Variants in QRICH2 observed in about 807,000 individuals in gnomAD.
The protein encoded by QRICH2 is glutamine-rich protein 2.
In QRICH2, 119 loss-of-function variants were observed where a neutral mutation model predicts 168.3. That is an observed-to-expected ratio of 0.71 (90% CI 0.61 to 0.82). The LOEUF (loss-of-function observed/expected upper bound fraction) is 0.82. Ranked by LOEUF, QRICH2 falls within the 40% of genes least tolerant of loss-of-function variation. The pLI, the probability that QRICH2 is intolerant of heterozygous loss-of-function variation, is 0.00. For missense variants in QRICH2, 2,241 were observed against 2,491.6 expected (o/e 0.90, Z 2.14); for synonymous variants, 894 against 951.2 (o/e 0.94, Z 1.11).
chr17:76,285,949 G>T (rs1355655915), intron 7 of QRICH2, among the ~76,000 whole-genome samples: 3 of 152,084 alleles, frequency 2.0e-5, no homozygotes, highest in African/African-American at 7.2e-5. Flanking sequence ...AAGGCGGGCA[G>T]ATCACAAGGT....
chr17:76,306,271 A>G (rs1244937611), intron 1 of QRICH2, among the ~76,000 whole-genome samples: 5 of 152,006 alleles, frequency 3.3e-5, no homozygotes, highest in Non-Finnish European at 7.4e-5. Context: ...TTCCCAGAGC[A>G]AAAGTGAGTT....
rs144984799 is a variant in QRICH2, at chr17:76,275,910, C to T, written c.5391G>A (p.Arg1797=). 4 of 1,608,812 alleles carry T rather than the reference C, an allele frequency of 2.5e-6. No individual in the cohort carries two copies. The highest frequency in any genetic ancestry group is 2.5e-6 in the Non-Finnish European group (3 of 1,179,936). ...GTSKRKSQQP[R]PHVHRPPSLS... ...GGGATGGCGGCCTGTGCACGTGGGGCCTGGGCTGCTGGGACTTGCGCTTTG... is the reference window on the plus strand; with the variant it reads ...GGGATGGCGGCCTGTGCACGTGGGGTCTGGGCTGCTGGGACTTGCGCTTTG... The change falls in exon 18 of 19, where the codon AGG becomes AGA. Residue 1797 remains arginine, a synonymous_variant. Transcript: ENST00000680821.
At chr17:76,279,326 C>A in intron 13 of QRICH2, 37 bp downstream of exon 13, 1 of 1,572,326 alleles carries the variant, frequency 6.4e-7, no homozygotes, top group Non-Finnish European at 8.7e-7. Flanking sequence ...CGCAGCCCTG[C>A]CATGCGAGGC....
rs1340222345 is a variant in QRICH2, at chr17:76,292,682, T to A, written c.2045A>T (p.Gln682Leu). ...CAAGCCAGGCTGATATGCACCAGGC[T>A]GCACCAAAGCACGCTGAAATCTGCC... ...QPGRFQRALV[Q>L]PGAYQPGLVQ... The change falls in exon 4 of 19, where the codon CAG (glutamine) becomes CTG (leucine). Residue 682 changes from glutamine (Q) to leucine (L), a missense_variant. Gln to Leu is a moderately radical substitution (Grantham distance 113, BLOSUM62 -2). Around this residue, in one of 3 missense-constraint regions of QRICH2, gnomAD observed 2,047 missense variants for 2,303.8 expected, o/e 0.89. Coordinates refer to ENST00000680821, the MANE Select transcript of QRICH2 (RefSeq NM_001388453.1). The A allele has an allele frequency of 1.9e-6, 3 of 1,613,832 alleles. No homozygotes were observed. Among genetic ancestry groups the A allele is most frequent in the Non-Finnish European group, 1.7e-6 (2 of 1,180,002 alleles).
In QRICH2 at chr17:76,285,915, A is replaced by G. The variant is rs80044136; in HGVS notation, c.4011+1277T>C. 5.4e-3 allele frequency among the ~76,000 whole-genome samples: 828 copies of G among 151,980 alleles called. 15 individuals are homozygous for G. In the East Asian group the frequency reaches 0.075, roughly 14 times the overall value. The stretch of plus-strand genomic sequence containing the variant: ...TGGCCAGGTGCGGTGGCTCACGCCT[A>G]TAATCCCAGCACTTTGGGAGGCCAA... On this transcript the variant is annotated intron_variant, in intron 7 of 18. Transcript: ENST00000680821.
intron 7 of QRICH2, among the ~76,000 whole-genome samples, chr17:76,282,864 C>A (rs949331531): frequency 1.3e-5 from 2 of 152,140 alleles, no homozygotes; most frequent in Non-Finnish European, 2.9e-5. Flanking sequence ...GGTGATGGAA[C>A]AGAAAGGACT....
intron 14 of QRICH2, 75 bp downstream of exon 14, chr17:76,278,966 T>C (rs1482429011): frequency 1.6e-5 from 20 of 1,260,318 alleles, no homozygotes; most frequent in Non-Finnish European, 2.3e-5. Context: ...TCCGGAGTCA[T>C]CCCTGTCCCC....
At chr17:76,278,429 C>T (rs1273989069) in intron 14 of QRICH2, among the ~76,000 whole-genome samples, 1 of 152,258 alleles carries the variant, frequency 6.6e-6, no homozygotes, top group Non-Finnish European at 1.5e-5. Flanking sequence ...AGCCCTGCTG[C>T]CTGTCTGCAG....
chr17:76,302,193 G>A (rs890936708), intron 3 of QRICH2, among the ~76,000 whole-genome samples: 2 of 151,642 alleles, frequency 1.3e-5, no homozygotes, highest in Non-Finnish European at 2.9e-5. Context: ...CCACCGCGCC[G>A]GCCGGCACTC....
intron 14 of QRICH2, 81 bp downstream of exon 14, chr17:76,278,960 G>T: frequency 8.6e-7 from 1 of 1,166,618 alleles, no homozygotes; most frequent in Non-Finnish European, 1.3e-6. Flanking sequence ...GGGCCCTCCG[G>T]AGTCATCCCT....
At chr17:76,305,165 CT>C (rs371179936) in intron 1 of QRICH2, among the ~76,000 whole-genome samples, 4,736 of 129,886 alleles carry the variant, frequency 0.036, 85 homozygotes, top group Middle Eastern at 0.12. Flanking sequence ...TTTTGGTTTC[CT>C]TTTTTTTTTT....
intron 15 of QRICH2, among the ~76,000 whole-genome samples, chr17:76,277,779 T>C (rs1485793156): frequency 6.6e-6 from 1 of 151,290 alleles, no homozygotes; most frequent in Non-Finnish European, 1.5e-5. Flanking sequence ...CACACACCCT[T>C]ACACACACTC....
At chr17:76,277,749 TACAC>T (rs756689731) in intron 15 of QRICH2, among the ~76,000 whole-genome samples, 48 of 151,226 alleles carry the variant, frequency 3.2e-4, no homozygotes, top group South Asian at 1.7e-3. Flanking sequence ...CCCACACTCA[TACAC>T]ACACGCACTC....
At chr17:76,274,371 G>A (rs1173035118) in intron 18 of QRICH2, 111 bp from the exon 19 acceptor site, 11 of 1,163,168 alleles carry the variant, frequency 9.5e-6, no homozygotes, top group Non-Finnish European at 1.2e-5. Flanking sequence ...TCGCCATGCT[G>A]GGCTGACACA....
chr17:76,287,043 AACACACACACACACACACACAC>A (rs56258903), intron 7 of QRICH2, 127 bp downstream of exon 7: 1 of 200,688 alleles, frequency 5.0e-6, no homozygotes, highest in South Asian at 4.7e-5. Context: ...CACACCACAT[AACACACACACACACACACACAC>A]ACACACACAC....
At chr17:76,306,640 A>G (rs2070995293) in intron 1 of QRICH2, among the ~76,000 whole-genome samples, 2 of 152,182 alleles carry the variant, frequency 1.3e-5, no homozygotes, top group Admixed American at 1.3e-4. Flanking sequence ...AATGCCCAGC[A>G]CTTTGGGAGG....
chr17:76,274,137 G>C lies in QRICH2; in HGVS notation c.5606C>G (p.Pro1869Arg). 1 of 1,591,614 alleles carries C rather than the reference G, an allele frequency of 6.3e-7. No individual in the cohort carries two copies. Residue 1869 changes from proline to arginine, a missense_variant, in exon 19 of 19, where the codon CCT (proline) becomes CGT (arginine). Pro to Arg is a moderately radical substitution (Grantham distance 103, BLOSUM62 -2). Coordinates refer to ENST00000680821, the MANE Select transcript of QRICH2 (RefSeq NM_001388453.1). ...NRGLERHVDM[P>R]PGEGLEEPTR... is the part of the protein sequence containing the mutation. ...GGGCTCCTCGAGCCCCTCCCCAGGA[G>C]GCATGTCCACGTGCCTCTCCAGCCC...
intron 7 of QRICH2, among the ~76,000 whole-genome samples, chr17:76,285,125 C>CTGTTGT (rs112068809): frequency 0.29 from 43,073 of 147,660 alleles, 6,687 homozygotes; most frequent in East Asian, 0.57. Flanking sequence ...CAGCTATTTT[C>CTGTTGT]TGTTGTTGTT....
At position 76,276,788 on chromosome 17, in the gene QRICH2, C is replaced by T. The variant is rs771554815; in HGVS notation, c.5266-21G>A. ...TCATGCTGTAGAAGTGAACAGATAC[C>T]GTCGCCACTGTAGCAGCCACAGCCC... On this transcript the variant is annotated intron_variant, in intron 16 of 18. Transcript: ENST00000680821. The T allele has an allele frequency of 2.7e-5, 43 of 1,585,564 alleles. No homozygotes were observed. The Admixed American group carries it at 3.2e-4, about 12-fold the overall frequency.
Sources: allele counts gnomAD v4.1 joint callset (sites outside exome capture counted in the v4.1 genomes callset), GRCh38; gene constraint gnomAD v4.1.1; regional missense constraint gnomAD v4.1.1; transcripts MANE v1.5; gene names NCBI Gene and HGNC (gene_info 2026-07-23, HGNC 2026-07-21).